ZNF326: variants seen among roughly 807,000 people sequenced by gnomAD.
The protein encoded by ZNF326 is zinc finger protein 326, also known as DBIRD complex subunit ZNF326.
Under a neutral mutation model 63.1 loss-of-function variants are expected in ZNF326, and 30 were observed. The observed-to-expected ratio is 0.48, with a 90% CI of 0.36 to 0.64. The LOEUF (loss-of-function observed/expected upper bound fraction) is 0.64. Ranked by LOEUF, ZNF326 falls within the 30% of genes least tolerant of loss-of-function variation. The pLI is 0.00. For synonymous variants in ZNF326, 194 were observed against 228.2 expected (o/e 0.85, Z 1.35); for missense variants, 609 against 720.3 (o/e 0.85, Z 1.77).
Position 90,034,351 on chromosome 1 carries a change from A to G in ZNF326, c.*6650A>G, listed in dbSNP as rs756400095. ...CAAATTATGTAAAGAAAAACTTGGT[A>G]AACAAGAAATTGTCAAATTTATAAT... On this transcript the variant is annotated 3_prime_UTR_variant, in exon 12 of 12. Transcript: ENST00000340281. 13 of 152,218 alleles carry G rather than the reference A, an allele frequency of 8.5e-5. No homozygotes were observed. Among genetic ancestry groups the G allele is most frequent in the Non-Finnish European group, 1.8e-4 (12 of 68,014 alleles). 9.4% of individuals were successfully genotyped at this position (152,218 alleles called of 1,614,324 possible). A position where few individuals can be genotyped will look rare whatever the true frequency, so the allele number is the denominator to read the frequency against.
intron 11 of ZNF326, among the ~76,000 whole-genome samples, chr1:90,025,406 C>G (rs766944379): frequency 6.6e-6 from 1 of 152,172 alleles, no homozygotes; most frequent in Non-Finnish European, 1.5e-5. Flanking sequence ...AAACGATTCT[C>G]CTGGCTCAGC....
At chr1:90,016,682 A>C (rs1396860974) in intron 7 of ZNF326, among the ~76,000 whole-genome samples, 1 of 151,516 alleles carries the variant, frequency 6.6e-6, no homozygotes. Context: ...GCACCACTGC[A>C]CTCCAGCCTG....
At chr1:90,005,513 T>G in intron 4 of ZNF326, 4 of 1,072,022 alleles carry the variant, frequency 3.7e-6, no homozygotes, top group Non-Finnish European at 4.5e-6. Flanking sequence ...TTTAAAAAAT[T>G]CTTTTACTTT....
Position 90,018,689 on chromosome 1 carries a change from G to C in ZNF326, c.1079G>C (p.Cys360Ser), listed in dbSNP as rs1649616456. 6.4e-7 allele frequency: 1 copy of C among 1,567,656 alleles called. No individual in the cohort carries two copies. The highest frequency in any genetic ancestry group is 1.9e-5 in the Admixed American group (1 of 53,304). ...DKVVMEFLHE[C>S]MVNKFKKTSI... Reference sequence around the variant, plus strand: ...TCTTTCTATTTTGTTTTCTAGGAGTGTATGGTGAATAAATTCAAGAAAACA... The same window carrying C: ...TCTTTCTATTTTGTTTTCTAGGAGTCTATGGTGAATAAATTCAAGAAAACA... The change falls in exon 9 of 12, where the codon TGT becomes TCT. Residue 360 changes from cysteine to serine, a missense_variant. Coordinates refer to ENST00000340281, the MANE Select transcript of ZNF326 (RefSeq NM_182976.4).
intron 1 of ZNF326, 133 bp downstream of exon 1, chr1:89,995,406 G>T (rs1570928097): frequency 8.1e-7 from 1 of 1,239,234 alleles, no homozygotes; most frequent in Non-Finnish European, 1.1e-6. Context: ...CCCGCCCCGG[G>T]CCCAGCGCCC....
intron 2 of ZNF326, among the ~76,000 whole-genome samples, chr1:90,003,500 G>A (rs1222993100): frequency 6.6e-6 from 1 of 152,154 alleles, no homozygotes; most frequent in Non-Finnish European, 1.5e-5. Context: ...GGCCACAAAT[G>A]GCAGAGTAAG....
intron 11 of ZNF326, 121 bp downstream of exon 11, chr1:90,022,466 A>G: frequency 1.4e-6 from 1 of 737,876 alleles, no homozygotes; most frequent in Non-Finnish European, 2.3e-6. Context: ...AATTTTACTC[A>G]GTATCTTGCA....
rs1193221799 is a variant in ZNF326, at chr1:90,027,991, T to A, written c.*290T>A. ...GGTGTTAAGGATAACAAATGTGTAT[T>A]GTTAGTATATCTATTCTAATCATTT... On this transcript the variant is annotated 3_prime_UTR_variant, in exon 12 of 12. Coordinates refer to ENST00000340281, the MANE Select transcript of ZNF326 (RefSeq NM_182976.4). 1 of 356,930 alleles carries A rather than the reference T, an allele frequency of 2.8e-6. No individual in the cohort carries two copies. The highest frequency in any genetic ancestry group is 5.1e-6 in the Non-Finnish European group (1 of 197,114). The allele number at this position is 356,930 out of a possible 1,614,324, so 22.1% of individuals were successfully genotyped here. A position where few individuals can be genotyped will look rare whatever the true frequency, so the allele number is the denominator to read the frequency against.
rs1395366118 is a variant in ZNF326, at chr1:90,030,035, A to G, written c.*2334A>G. ...CTTGTTTTCTCTATTACAAAGTGAG[A>G]TACATAGTTCTAAATAACCAAAGAA... is the stretch of plus-strand genomic sequence containing the variant. On this transcript the variant is annotated 3_prime_UTR_variant, in exon 12 of 12. Coordinates refer to ENST00000340281, the MANE Select transcript of ZNF326 (RefSeq NM_182976.4). 6.6e-6 allele frequency: 1 copy of G among 152,232 alleles called. No individual in the cohort carries two copies. The highest frequency in any genetic ancestry group is 1.5e-5 in the Non-Finnish European group (1 of 68,030). The allele number at this position is 152,232 out of a possible 1,614,324, so 9.4% of individuals were successfully genotyped here. A position where few individuals can be genotyped will look rare whatever the true frequency, so the allele number is the denominator to read the frequency against.
chr1:90,018,955 A>G (rs570530324), intron 9 of ZNF326, among the ~76,000 whole-genome samples, 171 bp downstream of exon 9: 5 of 152,272 alleles, frequency 3.3e-5, no homozygotes, highest in Admixed American at 1.3e-4. Context: ...AATGCTTACA[A>G]ATTTATCATT....
intron 11 of ZNF326, among the ~76,000 whole-genome samples, chr1:90,025,415 G>A (rs1649971104): frequency 6.6e-6 from 1 of 152,144 alleles, no homozygotes; most frequent in African/African-American, 2.4e-5. Context: ...TCCTGGCTCA[G>A]CCTCCTGAGT....
chr1:90,008,579 T>A (rs560736200), intron 5 of ZNF326, among the ~76,000 whole-genome samples: 1 of 152,320 alleles, frequency 6.6e-6, no homozygotes. Flanking sequence ...AGTAAGTGTA[T>A]GCAGATTGTG....
intron 11 of ZNF326, among the ~76,000 whole-genome samples, chr1:90,025,015 G>C (rs1649947151): frequency 8.5e-6 from 1 of 117,626 alleles, no homozygotes; most frequent in South Asian, 2.9e-4. Flanking sequence ...TCCTCAAATA[G>C]ACATGCTTAT....
At chr1:90,019,075 C>G (rs953461935) in intron 9 of ZNF326, among the ~76,000 whole-genome samples, 3 of 152,050 alleles carry the variant, frequency 2.0e-5, no homozygotes, top group Non-Finnish European at 4.4e-5. Context: ...TCCCAAAATT[C>G]AAGTTATGAA....
chr1:90,011,959 C>G (rs757272850), intron 6 of ZNF326, among the ~76,000 whole-genome samples: 1 of 152,076 alleles, frequency 6.6e-6, no homozygotes, highest in Non-Finnish European at 1.5e-5. Flanking sequence ...TCCTCAGCCT[C>G]CTGAGTAGCT....
In ZNF326 at chr1:90,017,329, A is replaced by C; in HGVS notation, c.939A>C (p.Thr313=). 1 of 1,596,908 alleles carries C rather than the reference A, an allele frequency of 6.3e-7. No individual in the cohort carries two copies. Among genetic ancestry groups the C allele is most frequent in the South Asian group, 1.2e-5 (1 of 86,536 alleles). Residue 313 remains threonine (T), a synonymous_variant, in exon 8 of 12, where the codon ACA becomes ACC. Coordinates refer to ENST00000340281, the MANE Select transcript of ZNF326 (RefSeq NM_182976.4). ...TTTTCTCTTACAGAATGGCATTTAC[A>C]TGTTCATTTTGTAAATTTCGAACAT... ...KYGDGYRMAF[T]CSFCKFRTFE...
chr1:90,006,799 A>T (rs990572038), intron 4 of ZNF326, among the ~76,000 whole-genome samples: 1 of 152,176 alleles, frequency 6.6e-6, no homozygotes. Flanking sequence ...ATAACCAGAG[A>T]TAATTCCCCA....
rs1258631195 is a variant in ZNF326, at chr1:90,034,658, G to A, written c.*6957G>A. The A allele has an allele frequency of 6.6e-6, 1 of 152,092 alleles. No homozygotes were observed. Among genetic ancestry groups the A allele is most frequent in the Non-Finnish European group, 1.5e-5 (1 of 67,976 alleles). The allele number at this position is 152,092 out of a possible 1,614,324, so 9.4% of individuals were successfully genotyped here. On this transcript the variant is annotated 3_prime_UTR_variant, in exon 12 of 12. Coordinates refer to ENST00000340281, the MANE Select transcript of ZNF326 (RefSeq NM_182976.4). ...TAAAAATCAGACAAAAGAAAACACT[G>A]TCCTTGTAATGCTTGCATTTAAAAG... is the stretch of plus-strand genomic sequence containing the variant.
At chr1:90,006,117 C>T in intron 4 of ZNF326, 4 of 985,382 alleles carry the variant, frequency 4.1e-6, no homozygotes, top group Non-Finnish European at 4.8e-6. Flanking sequence ...TGCTTACTTT[C>T]CTTCTTTCTG....
Sources: gnomAD v4.1 joint callset for allele counts (sites outside exome capture counted in the v4.1 genomes callset) on GRCh38, gnomAD v4.1.1 for gene constraint, MANE v1.5 for transcripts, NCBI Gene and HGNC (gene_info 2026-07-23, HGNC 2026-07-21) for gene names.